GAB4: variants seen among roughly 807,000 people sequenced by gnomAD.
The protein encoded by GAB4 is GRB2-associated-binding protein 4.
Under a neutral mutation model 51.3 loss-of-function variants are expected in GAB4, and 26 were observed. That is an observed-to-expected ratio of 0.51 (90% CI 0.37 to 0.70). The LOEUF is 0.70. GAB4 is among the 30% of genes least tolerant of loss of function. The probability of loss-of-function intolerance (pLI) is 0.00; values close to 1 mark genes in which losing one functional copy is unlikely to be tolerated. For synonymous variants in GAB4, 329 were observed against 291.2 expected, an observed-to-expected ratio of 1.13 and a Z score of -1.32; for missense variants, 759 against 734.6, an observed-to-expected ratio of 1.03 and a Z score of -0.38.
At chr22:16,978,115 A>G (rs553540457) in intron 3 of GAB4, among the ~76,000 whole-genome samples, 1 of 152,238 alleles carries the variant, frequency 6.6e-6, no homozygotes. Flanking sequence ...TATCACAATT[A>G]AAAGAACTAG....
chr22:16,972,362 G>A (rs1290348812), intron 3 of GAB4, among the ~76,000 whole-genome samples: 1 of 152,214 alleles, frequency 6.6e-6, no homozygotes, highest in East Asian at 1.9e-4. Context: ...TGCAGCAGCA[G>A]GCCAGACAAA....
intron 3 of GAB4, among the ~76,000 whole-genome samples, chr22:16,976,231 G>A (rs1601259855): frequency 6.6e-6 from 1 of 152,276 alleles, no homozygotes; most frequent in East Asian, 1.9e-4. Flanking sequence ...TGAGCTAAAG[G>A]AGCATGTTCT....
chr22:16,997,104 A>G (rs1189777462), intron 1 of GAB4, among the ~76,000 whole-genome samples: 3 of 152,140 alleles, frequency 2.0e-5, no homozygotes, highest in African/African-American at 7.2e-5. Flanking sequence ...CAATAAACAT[A>G]CGTGTGCATG....
chr22:16,989,607 T>C (rs2060897206), intron 2 of GAB4, among the ~76,000 whole-genome samples: 1 of 152,202 alleles, frequency 6.6e-6, no homozygotes, highest in African/African-American at 2.4e-5. Flanking sequence ...AATGGCCTTG[T>C]AGCTCCAAAA....
Position 16,970,160 on chromosome 22 carries a change from T to TGG in GAB4, c.718_719dup (p.Phe241HisfsTer4). The TGG allele has an allele frequency of 6.2e-7, 1 of 1,614,022 alleles. No homozygotes were observed. Among genetic ancestry groups the TGG allele is most frequent in the Non-Finnish European group, 8.5e-7 (1 of 1,180,002 alleles). ...TGGCTGTGTTTCTCCTCATGATGAATGGGGCCTCAGAACCCTGGGAGAAGC... is the reference window on the plus strand; with the variant it reads ...TGGCTGTGTTTCTCCTCATGATGAATGGGGGGCCTCAGAACCCTGGGAGAAGC... On this transcript the variant is annotated frameshift_variant, in exon 4 of 10. Transcript: ENST00000400588. LOFTEE classifies it high-confidence loss of function.
At chr22:16,971,309 ATAAGC>A (rs2060729954) in intron 3 of GAB4, among the ~76,000 whole-genome samples, 1 of 152,224 alleles carries the variant, frequency 6.6e-6, no homozygotes, top group South Asian at 2.1e-4. Flanking sequence ...GCTGCCACCG[ATAAGC>A]TCTGTGTGCC....
intron 1 of GAB4, 136 bp from the exon 2 acceptor site, chr22:16,992,312 T>C: frequency 1.4e-6 from 1 of 727,244 alleles, no homozygotes; most frequent in Non-Finnish European, 2.3e-6. Flanking sequence ...TTCCCCAGTT[T>C]CAAAGGTGGA....
At chr22:16,966,924 T>C (rs2060680775) in intron 5 of GAB4, 1 of 154,960 alleles carries the variant, frequency 6.5e-6, no homozygotes, top group South Asian at 2.0e-4. Context: ...TCTGAGAAAG[T>C]TAAAACTCCA....
At chr22:16,967,694 T>C (rs1180447991) in intron 5 of GAB4, among the ~76,000 whole-genome samples, 1 of 152,224 alleles carries the variant, frequency 6.6e-6, no homozygotes, top group Non-Finnish European at 1.5e-5. Context: ...TCCTGCCTCA[T>C]CTGCCCTCTG....
intron 5 of GAB4, 81 bp downstream of exon 5, chr22:16,968,217 G>C: frequency 1.0e-6 from 1 of 967,126 alleles, no homozygotes; most frequent in Non-Finnish European, 1.7e-6. Flanking sequence ...TCACCCTTTG[G>C]GGGATGTGCT....
In GAB4 at chr22:16,962,863, G is replaced by A. The variant is rs768612510; in HGVS notation, c.1595C>T (p.Ser532Phe). ...GTCCACCTTCTTGCCGGACGTGACA[G>A]AGCCTATGGATGGCTGAGGGACAGA... is the stretch of plus-strand genomic sequence containing the variant. ...DFQPSKPSIG[S>F]VTSGKKVDYV... The change falls in exon 10 of 10, where the codon TCT becomes TTT. Residue 532 changes from serine (S) to phenylalanine (F), a missense_variant. Around this residue, in one of 3 missense-constraint regions of GAB4, gnomAD observed 588 missense variants for 510.2 expected, o/e 1.15. Coordinates refer to ENST00000400588, the MANE Select transcript of GAB4 (RefSeq NM_001037814.1). 26 of 1,612,884 alleles carry A rather than the reference G, an allele frequency of 1.6e-5. No individual in the cohort carries two copies. The highest frequency in any genetic ancestry group is 1.2e-4 in the Admixed American group (7 of 59,958).
In GAB4 at chr22:16,969,949, T is replaced by A. The variant is rs920440970; in HGVS notation, c.931A>T (p.Asn311Tyr). ...GCCTTGAAGGGGTACACACCCTCAT[T>A]ATCCGCCTCAGAGCCTGTGAGGCTG... is the stretch of plus-strand genomic sequence containing the variant. ...RGSLTGSEADNEASSGKYTQH... is the reference protein window; with the variant it reads ...RGSLTGSEADYEASSGKYTQH... Residue 311 changes from asparagine (N) to tyrosine (Y), a missense_variant, in exon 4 of 10, where the codon AAT becomes TAT. Around this residue, in one of 3 missense-constraint regions of GAB4, gnomAD observed 588 missense variants for 510.2 expected, o/e 1.15. Transcript: ENST00000400588. 7 of 1,614,108 alleles carry A rather than the reference T, an allele frequency of 4.3e-6. No individual in the cohort carries two copies. Among genetic ancestry groups the A allele is most frequent in the Non-Finnish European group, 5.1e-6 (6 of 1,180,032 alleles).
At chr22:17,006,405 G>T (rs1569115083) in intron 1 of GAB4, among the ~76,000 whole-genome samples, 1 of 152,186 alleles carries the variant, frequency 6.6e-6, no homozygotes, top group Non-Finnish European at 1.5e-5. Context: ...TACACTGTTG[G>T]TTGGAGTGTA....
intron 1 of GAB4, among the ~76,000 whole-genome samples, chr22:17,004,714 A>T (rs1000533206): frequency 1.3e-5 from 2 of 152,214 alleles, no homozygotes; most frequent in African/African-American, 2.4e-5. Context: ...CAATCAATAA[A>T]CGTAATCCGT....
At chr22:16,978,073 A>C (rs1601261819) in intron 3 of GAB4, among the ~76,000 whole-genome samples, 1 of 8,764 alleles carries the variant, frequency 1.1e-4, no homozygotes, top group Non-Finnish European at 1.7e-4. Context: ...CCCATAAGAG[A>C]AAGCAGGGAA....
At chr22:16,966,729 C>T (rs1277983390) in intron 5 of GAB4, 2 of 226,664 alleles carry the variant, frequency 8.8e-6, no homozygotes, top group Non-Finnish European at 1.8e-5. Context: ...GGTGTGGGAT[C>T]ACTTAATTAA....
intron 1 of GAB4, among the ~76,000 whole-genome samples, chr22:16,993,883 C>G (rs5748787): frequency 2.6e-5 from 4 of 152,302 alleles, no homozygotes; most frequent in East Asian, 3.9e-4. Context: ...CACCCACCAG[C>G]CTGCCTGTGC....
intron 3 of GAB4, among the ~76,000 whole-genome samples, chr22:16,981,224 T>C (rs8137380): frequency 0.022 from 3,346 of 150,826 alleles, 59 homozygotes; most frequent in Middle Eastern, 0.068. Context: ...TGATGCCCCT[T>C]AAAAAAGTTC....
At chr22:16,969,610 G>T in intron 4 of GAB4, 4 of 609,390 alleles carry the variant, frequency 6.6e-6, no homozygotes, top group Admixed American at 2.8e-5. Context: ...GGCTCATACT[G>T]ACCTTGGTGA....
Sources: allele counts gnomAD v4.1 joint callset (sites outside exome capture counted in the v4.1 genomes callset), GRCh38; gene constraint gnomAD v4.1.1; regional missense constraint gnomAD v4.1.1; transcripts MANE v1.5; gene names NCBI Gene and HGNC (gene_info 2026-07-23, HGNC 2026-07-21).